ASCC3: variants seen among roughly 807,000 people sequenced by gnomAD.
ASCC3 encodes activating signal cointegrator 1 complex subunit 3, also known as ASC-1 complex subunit P200.
Under a neutral mutation model 256.3 loss-of-function variants are expected in ASCC3, and 158 were observed. The observed-to-expected ratio is 0.62, with a 90% CI of 0.54 to 0.70. The LOEUF (loss-of-function observed/expected upper bound fraction) is 0.70, where lower values mean the gene tolerates loss of function less well. ASCC3 is among the 30% of genes least tolerant of loss of function. ASCC3 has a pLI of 0.00. For missense variants in ASCC3, 2,259 were observed against 2,626.0 expected, an observed-to-expected ratio of 0.86 and a Z score of 3.05; for synonymous variants, 948 against 883.4, an observed-to-expected ratio of 1.07 and a Z score of -1.30.
chr6:100,619,908 A>G (rs1773859939), intron 30 of ASCC3, among the ~76,000 whole-genome samples: 1 of 152,144 alleles, frequency 6.6e-6, no homozygotes, highest in Admixed American at 6.6e-5. Context: ...TAAGTGCTAA[A>G]TGGAGTTGAC....
chr6:100,535,466 G>GTTTTT (rs34575315), intron 37 of ASCC3, among the ~76,000 whole-genome samples: 16 of 98,654 alleles, frequency 1.6e-4, no homozygotes, highest in South Asian at 7.8e-4. Flanking sequence ...TGGTTTTCGT[G>GTTTTT]TTTTTTTTTT....
intron 30 of ASCC3, among the ~76,000 whole-genome samples, chr6:100,619,804 G>A (rs148879669): frequency 2.0e-5 from 3 of 151,986 alleles, no homozygotes; most frequent in South Asian, 4.2e-4. Context: ...TTAGTTAGCT[G>A]TAACTTTATA....
At position 100,707,448 on chromosome 6, in the gene ASCC3, C is replaced by T. The variant is rs146024595; in HGVS notation, c.2151+8014G>A. Among the ~76,000 whole-genome samples the T allele has an allele frequency of 1.2e-3, 180 of 152,068 alleles. 1 individual carries two copies. The highest frequency in any genetic ancestry group is 6.8e-3 in the Middle Eastern group (2 of 294). ...ATGGAAGGACAAATACCAACAGAAG[C>T]TACCTCTGGTAGTGGAATTACCAGT... On this transcript the variant is annotated intron_variant, in intron 13 of 41. Coordinates refer to ENST00000369162, the MANE Select transcript of ASCC3 (RefSeq NM_006828.4).
At chr6:100,593,393 A>G (rs1402488715) in intron 34 of ASCC3, among the ~76,000 whole-genome samples, 1 of 152,128 alleles carries the variant, frequency 6.6e-6, no homozygotes, top group African/African-American at 2.4e-5. Context: ...CAAAAACTAA[A>G]AAGTTTTTCA....
At chr6:100,745,709 G>A (rs948070335) in intron 10 of ASCC3, among the ~76,000 whole-genome samples, 1 of 152,070 alleles carries the variant, frequency 6.6e-6, no homozygotes, top group Non-Finnish European at 1.5e-5. Context: ...TTGAAATCAC[G>A]CTAATTGCAA....
At chr6:100,832,528 C>T (rs1771670040) in intron 4 of ASCC3, among the ~76,000 whole-genome samples, 1 of 152,000 alleles carries the variant, frequency 6.6e-6, no homozygotes. Context: ...ACTTATAAAA[C>T]ATGCCAGTAA....
chr6:100,715,396 A>G, intron 13 of ASCC3, 66 bp downstream of exon 13: 2 of 1,402,030 alleles, frequency 1.4e-6, no homozygotes, highest in Admixed American at 1.8e-5. Context: ...AATATTAATA[A>G]TTTTTATCAT....
At chr6:100,786,938 C>T (rs1359410306) in intron 8 of ASCC3, among the ~76,000 whole-genome samples, 1 of 152,040 alleles carries the variant, frequency 6.6e-6, no homozygotes, top group East Asian at 1.9e-4. Context: ...GAATTTAAAT[C>T]TTTATCTTAC....
rs1268729547 is a variant in ASCC3 at position 100,767,767 on chromosome 6, C to A, written c.1396-422G>T. Among the ~76,000 whole-genome samples, 3 of 137,528 alleles carry A rather than the reference C, an allele frequency of 2.2e-5. No individual in the cohort carries two copies. In the Admixed American group the frequency reaches 2.2e-4, roughly 10 times the overall value. 90.2% of individuals were successfully genotyped at this position (137,528 alleles called of 152,430 possible). A position where few individuals can be genotyped will look rare whatever the true frequency, so the allele number is the denominator to read the frequency against. On this transcript the variant is annotated intron_variant, in intron 8 of 41. Transcript: ENST00000369162. ...GGGACTACAGGCTCCCGCCACCATG[C>A]CCGGCTAATTTTTTTTTTTTTTGTA...
chr6:100,745,308 C>T (rs1267615820), intron 10 of ASCC3, among the ~76,000 whole-genome samples: 2 of 151,442 alleles, frequency 1.3e-5, no homozygotes, highest in African/African-American at 4.9e-5. Flanking sequence ...GCCTGGGTGA[C>T]AGAGCGAGAC....
chr6:100,832,430 C>T (rs1027821922), intron 4 of ASCC3, among the ~76,000 whole-genome samples: 1 of 151,852 alleles, frequency 6.6e-6, no homozygotes, highest in Non-Finnish European at 1.5e-5. Context: ...ACCCATTGAA[C>T]CTCTCTAAAA....
chr6:100,759,823 T>A (rs900167741), intron 10 of ASCC3, among the ~76,000 whole-genome samples: 6 of 152,216 alleles, frequency 3.9e-5, no homozygotes, highest in African/African-American at 1.4e-4. Context: ...GTGTCCTCTC[T>A]TATTTCCTTG....
chr6:100,715,686 A>G (rs1191412258), intron 12 of ASCC3, among the ~76,000 whole-genome samples, 153 bp from the exon 13 acceptor site: 1 of 151,648 alleles, frequency 6.6e-6, no homozygotes, highest in African/African-American at 2.4e-5. Flanking sequence ...ATAACATATA[A>G]CAATCCATTA....
At chr6:100,597,459 A>G (rs866658638) in intron 34 of ASCC3, among the ~76,000 whole-genome samples, 3 of 152,256 alleles carry the variant, frequency 2.0e-5, no homozygotes, top group African/African-American at 2.4e-5. Context: ...GTCATTATTT[A>G]TGTTGCTACT....
chr6:100,608,840 T>C (rs1453593082), intron 30 of ASCC3, among the ~76,000 whole-genome samples: 2 of 132,892 alleles, frequency 1.5e-5, no homozygotes, highest in African/African-American at 5.7e-5. Flanking sequence ...CTCGGCTCAC[T>C]GCAAGCTCTG....
At chr6:100,616,320 A>G (rs1450154175) in intron 30 of ASCC3, among the ~76,000 whole-genome samples, 2 of 152,214 alleles carry the variant, frequency 1.3e-5, no homozygotes, top group South Asian at 2.1e-4. Flanking sequence ...GCATCTAAAA[A>G]CACTTTAGTA....
intron 13 of ASCC3, among the ~76,000 whole-genome samples, chr6:100,709,284 A>G (rs930208723): frequency 1.3e-5 from 2 of 152,234 alleles, no homozygotes; most frequent in African/African-American, 4.8e-5. Context: ...TCACTACAGT[A>G]GCATAATCTT....
intron 12 of ASCC3, among the ~76,000 whole-genome samples, chr6:100,716,539 A>G (rs1333815380): frequency 2.0e-5 from 3 of 151,944 alleles, no homozygotes; most frequent in Non-Finnish European, 4.4e-5. Flanking sequence ...CTTATGACCT[A>G]TAACGGCTAA....
chr6:100,812,287 G>T (rs1175653647), intron 4 of ASCC3, among the ~76,000 whole-genome samples: 1 of 152,064 alleles, frequency 6.6e-6, no homozygotes, highest in East Asian at 1.9e-4. Flanking sequence ...AAGAAATGGA[G>T]AAGTATGATC....
Sources: gnomAD v4.1 joint callset for allele counts (sites outside exome capture counted in the v4.1 genomes callset) on GRCh38, gnomAD v4.1.1 for gene constraint, MANE v1.5 for transcripts, NCBI Gene and HGNC (gene_info 2026-07-23, HGNC 2026-07-21) for gene names.